The following HHLA1 variants were observed in gnomAD, a reference collection of about 807,000 sequenced individuals.
The protein encoded by HHLA1 is HERV-H LTR-associating protein 1.
HHLA1 carries 72 observed loss-of-function variants against 69.9 expected under a neutral mutation model. That is an observed-to-expected ratio of 1.03 (90% CI 0.85 to 1.25). The LOEUF (loss-of-function observed/expected upper bound fraction) is 1.25, where lower values mean the gene tolerates loss of function less well. Among genes scored for constraint, HHLA1 ranks in the 50% most tolerant of loss-of-function variants. The pLI is 0.00. For synonymous variants in HHLA1, 252 were observed against 233.2 expected (o/e 1.08, Z -0.73); for missense variants, 685 against 642.2 (o/e 1.07, Z -0.72).
At chr8:132,078,101 A>G in intron 11 of HHLA1, 130 bp from the exon 12 acceptor site, 1 of 1,008,304 alleles carries the variant, frequency 9.9e-7, no homozygotes, top group South Asian at 1.7e-5. Context: ...TAAGTAATCC[A>G]GGGGCTTAAA....
chr8:132,079,359 T>A (rs1439354623), intron 11 of HHLA1, among the ~76,000 whole-genome samples: 1 of 152,252 alleles, frequency 6.6e-6, no homozygotes, highest in Non-Finnish European at 1.5e-5. Flanking sequence ...GAAATATAAA[T>A]ACTTTTGCCA....
chr8:132,089,861 C>T (rs1196305617), intron 7 of HHLA1, among the ~76,000 whole-genome samples: 3 of 152,316 alleles, frequency 2.0e-5, no homozygotes, highest in Non-Finnish European at 2.9e-5. Flanking sequence ...TCTCTGCTAA[C>T]ATCTAAGAGC....
chr8:132,079,577 ATC>A, intron 11 of HHLA1, 139 bp downstream of exon 11: 1 of 893,310 alleles, frequency 1.1e-6, no homozygotes, highest in Non-Finnish European at 1.7e-6. Flanking sequence ...GCTCATACAG[ATC>A]TGTTATTTAA....
At chr8:132,091,696 T>C (rs1020275614) in intron 7 of HHLA1, among the ~76,000 whole-genome samples, 3 of 152,232 alleles carry the variant, frequency 2.0e-5, no homozygotes, top group Admixed American at 6.5e-5. Context: ...ACAAAACCCT[T>C]TTTACCTATC....
At chr8:132,086,587 CA>C (rs974246138) in intron 10 of HHLA1, among the ~76,000 whole-genome samples, 3 of 152,152 alleles carry the variant, frequency 2.0e-5, no homozygotes, top group Non-Finnish European at 4.4e-5. Flanking sequence ...TGAAGGAGCA[CA>C]AAGTGGGACA....
intron 5 of HHLA1, among the ~76,000 whole-genome samples, chr8:132,096,099 T>A (rs567996129): frequency 5.3e-5 from 8 of 152,302 alleles, no homozygotes; most frequent in African/African-American, 1.9e-4. Context: ...CTTGGTGGCC[T>A]AAAACAGCAG....
chr8:132,075,988 T>C (rs1388093188), intron 14 of HHLA1, 67 bp downstream of exon 14: 1 of 1,179,816 alleles, frequency 8.5e-7, no homozygotes, highest in South Asian at 1.3e-5. Context: ...AACCTCTCCT[T>C]ATTCTACTAC....
At chr8:132,073,262 A>AACC (rs564443925) in intron 14 of HHLA1, among the ~76,000 whole-genome samples, 1 of 152,274 alleles carries the variant, frequency 6.6e-6, no homozygotes, top group African/African-American at 2.4e-5. Context: ...TACAGGTGTA[A>AACC]ACCACCACAT....
chr8:132,096,002 G>A (rs1824021805), intron 5 of HHLA1, among the ~76,000 whole-genome samples: 1 of 152,146 alleles, frequency 6.6e-6, no homozygotes, highest in East Asian at 1.9e-4. Flanking sequence ...TATATTTCCT[G>A]ATCCATCCTC....
intron 11 of HHLA1, among the ~76,000 whole-genome samples, 152 bp downstream of exon 11, chr8:132,079,566 G>A (rs907175870): frequency 2.0e-5 from 3 of 152,140 alleles, no homozygotes; most frequent in Admixed American, 1.3e-4. Flanking sequence ...AACCCATACC[G>A]GCTCATACAG....
rs368056027 is a variant in HHLA1, at chr8:132,084,422, C to T, written c.676+3231G>A. Among the ~76,000 whole-genome samples, 182 of 67,506 alleles carry T rather than the reference C, an allele frequency of 2.7e-3. 2 individuals carry two copies. The East Asian group carries it at 0.05, about 18-fold the overall frequency. 44.3% of individuals were successfully genotyped at this position (67,506 alleles called of 152,430 possible). A position where few individuals can be genotyped will look rare whatever the true frequency, so the allele number is the denominator to read the frequency against. On this transcript the variant is annotated intron_variant, in intron 10 of 16. Coordinates refer to ENST00000414222, the MANE Select transcript of HHLA1 (RefSeq NM_001145095.3). Reference sequence around the variant, plus strand: ...GAAGGAAGATTTGGGACGAGTTGCACTGGGCACAGGGACTAGGAAGGACTG... The same window carrying T: ...GAAGGAAGATTTGGGACGAGTTGCATTGGGCACAGGGACTAGGAAGGACTG...
At chr8:132,095,224 C>T (rs1824003662) in intron 7 of HHLA1, among the ~76,000 whole-genome samples, 1 of 152,238 alleles carries the variant, frequency 6.6e-6, no homozygotes, top group South Asian at 2.1e-4. Context: ...TATGTATTAT[C>T]TGTGGCTGTT....
At chr8:132,097,964 A>G (rs1335943473) in intron 5 of HHLA1, among the ~76,000 whole-genome samples, 1 of 152,182 alleles carries the variant, frequency 6.6e-6, no homozygotes, top group Admixed American at 6.5e-5. Flanking sequence ...CCCTTATTCT[A>G]AATAACATGT....
chr8:132,077,942 A>G lies in HHLA1; in HGVS notation c.955T>C (p.Leu319=), dbSNP rs1388814710. The change falls in exon 12 of 17, where the codon TTG becomes CTG. Residue 319 remains leucine (L), a synonymous_variant. Coordinates refer to ENST00000414222, the MANE Select transcript of HHLA1 (RefSeq NM_001145095.3). ...ATRRVARTQW[L]TADRQTWASI... is the part of the protein sequence containing the mutation. ...GCCCACGTCTGTCTGTCAGCTGTCAACCACTGAGTTCTGGCCACCCTCCTG... is the reference window on the plus strand; with the variant it reads ...GCCCACGTCTGTCTGTCAGCTGTCAGCCACTGAGTTCTGGCCACCCTCCTG... 6.4e-7 allele frequency: 1 copy of G among 1,551,626 alleles called. No individual in the cohort carries two copies. Among genetic ancestry groups the G allele is most frequent in the East Asian group, 2.4e-5 (1 of 40,910 alleles).
chr8:132,083,551 G>C (rs183861391), intron 10 of HHLA1, among the ~76,000 whole-genome samples: 1 of 152,158 alleles, frequency 6.6e-6, no homozygotes, highest in South Asian at 2.1e-4. Context: ...GAGAGCCTTG[G>C]GCCAGCGTTC....
intron 7 of HHLA1, among the ~76,000 whole-genome samples, chr8:132,092,481 G>A (rs537467158): frequency 1.3e-5 from 2 of 152,280 alleles, no homozygotes; most frequent in South Asian, 4.2e-4. Context: ...GATCATGGGG[G>A]CAGACTTCTC....
chr8:132,105,292 A>G lies in HHLA1; in HGVS notation c.-21-6T>C. 6.5e-7 allele frequency: 1 copy of G among 1,538,052 alleles called. No individual in the cohort carries two copies. The highest frequency in any genetic ancestry group is 1.2e-5 in the South Asian group (1 of 83,760). ...CTTGTGATACTCTGGCCCACCTGGA[A>G]TGAAGCAAGCAAACACTTAGGAAAC... On this transcript the variant is annotated splice_region_variant and splice_polypyrimidine_tract_variant and intron_variant, in intron 1 of 16. Coordinates refer to ENST00000414222, the MANE Select transcript of HHLA1 (RefSeq NM_001145095.3).
At chr8:132,106,325 G>C (rs2469499) in intron 1 of HHLA1, among the ~76,000 whole-genome samples, 73,941 of 152,020 alleles carry the variant, frequency 0.49, 18,485 homozygotes, top group Non-Finnish European at 0.54. Context: ...GAATGGGAAG[G>C]CCCTGTGGAA....
chr8:132,107,591 C>T (rs2436103), intron 1 of HHLA1, among the ~76,000 whole-genome samples: 44,958 of 151,960 alleles, frequency 0.3, 7,118 homozygotes, highest in Non-Finnish European at 0.36. Context: ...TGAGCCACCG[C>T]GCTTGGCCGA....
Sources: allele counts gnomAD v4.1 joint callset (sites outside exome capture counted in the v4.1 genomes callset), GRCh38; gene constraint gnomAD v4.1.1; transcripts MANE v1.5; gene names NCBI Gene and HGNC (gene_info 2026-07-23, HGNC 2026-07-21).